DYNLT5: variants seen among roughly 807,000 people sequenced by gnomAD.
DYNLT5 encodes dynein light chain Tctex-type 5.
In DYNLT5, 25 loss-of-function variants were observed where a neutral mutation model predicts 19.3. The observed-to-expected ratio is 1.30, with a 90% CI of 0.95 to 1.81. The LOEUF (loss-of-function observed/expected upper bound fraction) is 1.81, where lower values mean the gene tolerates loss of function less well. DYNLT5 is among the 40% of genes most tolerant of loss of function. The pLI is 0.00. For missense variants in DYNLT5, 232 were observed against 217.9 expected (o/e 1.06, Z -0.41); for synonymous variants, 82 against 68.9 (o/e 1.19, Z -0.94).
rs1319691015 is a variant in DYNLT5, at chr1:66,777,742, T to G, written c.*288T>G. The G allele has an allele frequency of 4.4e-6, 1 of 228,578 alleles. No individual in the cohort carries two copies. The highest frequency in any genetic ancestry group is 8.6e-6 in the Non-Finnish European group (1 of 116,230). 14.2% of individuals were successfully genotyped at this position (228,578 alleles called of 1,614,324 possible). On this transcript the variant is annotated 3_prime_UTR_variant, in exon 5 of 5. Transcript: ENST00000282670. ...TTTGTTTTGGTACTAATTATTTTAA[T>G]TATTCTTTAATTAGAGTGTTACAAT...
chr1:66,754,841 G>C (rs2094633211), intron 2 of DYNLT5, 64 bp downstream of exon 2: 2 of 1,493,786 alleles, frequency 1.3e-6, no homozygotes, highest in Non-Finnish European at 1.8e-6. Flanking sequence ...TGTTTATTAG[G>C]AGAAAAAAAC....
At chr1:66,770,093 C>T (rs1256896455) in intron 2 of DYNLT5, among the ~76,000 whole-genome samples, 5 of 152,144 alleles carry the variant, frequency 3.3e-5, no homozygotes, top group East Asian at 1.9e-4. Flanking sequence ...GTACTGTTAC[C>T]CCATACACAT....
intron 2 of DYNLT5, among the ~76,000 whole-genome samples, chr1:66,761,321 A>G (rs2094645613): frequency 6.6e-6 from 1 of 152,258 alleles, no homozygotes. Flanking sequence ...GAAAAAATGT[A>G]CATACCTTAG....
intron 3 of DYNLT5, 89 bp downstream of exon 3, chr1:66,770,567 C>T (rs778821849): frequency 2.0e-6 from 2 of 1,003,466 alleles, no homozygotes; most frequent in South Asian, 1.3e-5. Context: ...CTGGCATTGT[C>T]TTCAATTCTA....
At chr1:66,773,818 G>A (rs946969988) in intron 3 of DYNLT5, among the ~76,000 whole-genome samples, 5 of 151,144 alleles carry the variant, frequency 3.3e-5, no homozygotes, top group Non-Finnish European at 7.4e-5. Flanking sequence ...TCTAAAACAC[G>A]TTTTTTCTCC....
chr1:66,757,757 T>C (rs1043653583), intron 2 of DYNLT5, among the ~76,000 whole-genome samples: 1 of 152,186 alleles, frequency 6.6e-6, no homozygotes, highest in Non-Finnish European at 1.5e-5. Flanking sequence ...GCATCTGTTT[T>C]GCTAAATACG....
rs149149763 is a variant in DYNLT5, at chr1:66,776,308, G to A, written c.241G>A (p.Val81Ile). Reference protein sequence around the residue: ...GPPKHFPVVTVNHILKDVVTS... With the variant: ...GPPKHFPVVTINHILKDVVTS... ...TCCCAAACATTTTCCTGTGGTCACC[G>A]TCAATCATATTTTGAAAGATGTAGT... Residue 81 changes from valine to isoleucine, a missense_variant, in exon 4 of 5, where the codon GTC (valine) becomes ATC (isoleucine). Val to Ile is a conservative substitution (Grantham distance 29). Coordinates refer to ENST00000282670, the MANE Select transcript of DYNLT5 (RefSeq NM_152665.3). 1.7e-5 allele frequency: 28 copies of A among 1,612,874 alleles called. No homozygotes were observed. Among genetic ancestry groups the A allele is most frequent in the Middle Eastern group, 1.6e-4 (1 of 6,076 alleles).
chr1:66,754,128 T>A (rs1325842694), intron 1 of DYNLT5, among the ~76,000 whole-genome samples: 1 of 151,954 alleles, frequency 6.6e-6, no homozygotes, highest in Non-Finnish European at 1.5e-5. Flanking sequence ...CAGTCCCAGC[T>A]ACTCAGGTGG....
chr1:66,753,097 GCACA>G lies in DYNLT5; in HGVS notation c.-4+518_-4+521del, dbSNP rs759469182. Among the ~76,000 whole-genome samples the G allele has an allele frequency of 9.1e-4, 139 of 152,200 alleles. 1 individual carries two copies. Among genetic ancestry groups the G allele is most frequent in the Admixed American group, 4.8e-3 (74 of 15,296 alleles). ...GACACACTTATACACACAGGCACCT[GCACA>G]CACAGAGATGCACACTCACAGGTAC... On this transcript the variant is annotated intron_variant, in intron 1 of 4. Coordinates refer to ENST00000282670, the MANE Select transcript of DYNLT5 (RefSeq NM_152665.3).
chr1:66,766,856 A>G (rs1022569550), intron 2 of DYNLT5, among the ~76,000 whole-genome samples: 12 of 152,290 alleles, frequency 7.9e-5, no homozygotes, highest in Admixed American at 2.0e-4. Context: ...ACAGAAAGCA[A>G]TAGACTAATT....
chr1:66,774,093 G>A (rs1040519981), intron 3 of DYNLT5, among the ~76,000 whole-genome samples: 3 of 151,932 alleles, frequency 2.0e-5, no homozygotes, highest in African/African-American at 7.2e-5. Flanking sequence ...ACTGTACAAC[G>A]GGAACTACTG....
intron 2 of DYNLT5, among the ~76,000 whole-genome samples, chr1:66,769,170 G>A (rs1171022306): frequency 6.6e-6 from 1 of 152,114 alleles, no homozygotes; most frequent in East Asian, 1.9e-4. Context: ...ACTTCAAAGG[G>A]CAGCAGTAAA....
chr1:66,764,221 A>G (rs2094650633), intron 2 of DYNLT5, among the ~76,000 whole-genome samples: 2 of 152,042 alleles, frequency 1.3e-5, no homozygotes, highest in Admixed American at 1.3e-4. Context: ...CAAAAAATCT[A>G]CTTAGTTATA....
At chr1:66,761,076 C>A (rs1040462495) in intron 2 of DYNLT5, among the ~76,000 whole-genome samples, 1 of 152,288 alleles carries the variant, frequency 6.6e-6, no homozygotes, top group Non-Finnish European at 1.5e-5. Context: ...ATTATCTTTT[C>A]TTTCCATTAT....
intron 4 of DYNLT5, 114 bp downstream of exon 4, chr1:66,776,517 G>T: frequency 3.2e-6 from 4 of 1,262,322 alleles, no homozygotes; most frequent in Non-Finnish European, 3.2e-6. Context: ...GTTAAAATGC[G>T]TATTTATAAT....
intron 2 of DYNLT5, among the ~76,000 whole-genome samples, chr1:66,760,440 C>T (rs552894037): frequency 6.6e-6 from 1 of 152,134 alleles, no homozygotes; most frequent in Non-Finnish European, 1.5e-5. Context: ...TGCTCACGAA[C>T]AAGTTAGGTT....
chr1:66,762,950 A>G (rs2094648543), intron 2 of DYNLT5, among the ~76,000 whole-genome samples: 1 of 152,198 alleles, frequency 6.6e-6, no homozygotes, highest in Non-Finnish European at 1.5e-5. Flanking sequence ...CACATTTTGT[A>G]TGCATGTATC....
chr1:66,772,712 A>T (rs1812444), intron 3 of DYNLT5, among the ~76,000 whole-genome samples: 57 of 152,228 alleles, frequency 3.7e-4, no homozygotes, highest in Non-Finnish European at 6.2e-4. Flanking sequence ...GAGCATTTAC[A>T]TAAATAATTA....
chr1:66,775,110 C>G (rs1438204391), intron 3 of DYNLT5: 1 of 152,162 alleles, frequency 6.6e-6, no homozygotes, highest in African/African-American at 2.4e-5. Context: ...GCTAATATTC[C>G]TGGGATGCAG....
Sources: allele counts gnomAD v4.1 joint callset (sites outside exome capture counted in the v4.1 genomes callset), GRCh38; gene constraint gnomAD v4.1.1; transcripts MANE v1.5; gene names NCBI Gene and HGNC (gene_info 2026-07-23, HGNC 2026-07-21).